Variants in GPRASP1 observed in about 807,000 individuals in gnomAD.
GPRASP1 encodes the protein G protein-coupled receptor-associated sorting protein 1.
GPRASP1 carries 28 observed loss-of-function variants against 68.4 expected under a neutral mutation model. The ratio of observed to expected loss-of-function variants is 0.41; its 90% CI spans 0.30 to 0.56. GPRASP1 has a LOEUF of 0.56. Ranked by LOEUF, GPRASP1 falls within the 20% of genes least tolerant of loss-of-function variation. The pLI, the probability that GPRASP1 is intolerant of heterozygous loss-of-function variation, is 0.29. For missense variants in GPRASP1, 913 were observed against 1,031.5 expected (o/e 0.89, Z 1.57); for synonymous variants, 304 against 358.2 (o/e 0.85, Z 1.71).
Position 102,657,662 on chromosome X carries a change from AT to A in GPRASP1, c.3751del (p.Ser1251ProfsTer8), listed in dbSNP as rs1302816496. 1 of 1,211,292 alleles carries A rather than the reference AT, an allele frequency of 8.3e-7. No homozygotes were observed. Among genetic ancestry groups the A allele is most frequent in the South Asian group, 1.8e-5 (1 of 57,000 alleles). Reference protein sequence around the residue: ...VCEETLAYSVDSPEQLSGIRM... With the variant: ...VCEETLAYSVXSPEQLSGIRM... Reference sequence around the variant, plus strand: ...GAGGAAACCCTTGCTTATAGCGTGGATTCCCCGGAACAGCTGTCTGGAATAA... The same window carrying A: ...GAGGAAACCCTTGCTTATAGCGTGGATCCCCGGAACAGCTGTCTGGAATAA... On this transcript the variant is annotated frameshift_variant, in exon 6 of 6. Transcript: ENST00000537097. LOFTEE classifies it high-confidence loss of function.
chrX:102,653,715 G>T lies in GPRASP1; in HGVS notation c.-199G>T. ...TGTTCTACACTCTATCTGTATTATT[G>T]AATTACTGACTGAGACTGTGTTTGG... On this transcript the variant is annotated 5_prime_UTR_variant, in exon 6 of 6. Transcript: ENST00000537097. The T allele has an allele frequency of 4.7e-6, 2 of 428,752 alleles. No homozygotes were observed. The highest frequency in any genetic ancestry group is 8.2e-6 in the Non-Finnish European group (2 of 244,713). 35.3% of individuals were successfully genotyped at this position (428,752 alleles called of 1,213,427 possible). A position where few individuals can be genotyped will look rare whatever the true frequency, so the allele number is the denominator to read the frequency against.
Position 102,656,564 on chromosome X carries a change from A to C in GPRASP1, c.2651A>C (p.Glu884Ala), listed in dbSNP as rs757534050. The C allele has an allele frequency of 3.3e-6, 4 of 1,208,344 alleles. No homozygotes were observed. The Admixed American group carries it at 6.6e-5, about 20-fold the overall frequency. Residue 884 changes from glutamate to alanine, a missense_variant, in exon 6 of 6, where the codon GAA becomes GCA. By Grantham distance (107) the Glu-to-Ala change is moderately radical. Transcript: ENST00000537097. ...TVGSWFWPEE[E>A]ASIQAGSQAV... ...GGGTCCTGGTTCTGGCCTGAAGAAG[A>C]AGCCAGTATACAGGCTGGATCTCAG...
In GPRASP1 at chrX:102,655,983, A is replaced by G; in HGVS notation, c.2070A>G (p.Gly690=). 8.3e-7 allele frequency: 1 copy of G among 1,211,370 alleles called. No individual in the cohort carries two copies. The highest frequency in any genetic ancestry group is 1.1e-6 in the Non-Finnish European group (1 of 895,294). The change falls in exon 6 of 6, where the codon GGA becomes GGG. Residue 690 remains glycine (G), a synonymous_variant. Coordinates refer to ENST00000537097, the MANE Select transcript of GPRASP1 (RefSeq NM_001184727.2). ...AACCCTGTATGTATCCTGCCGGTGG[A>G]GGAAGTTGGAAGTCTAGGCCAGAGG... ...EKEPCMYPAG[G]GSWKSRPEEE...
rs763543381 is a variant in GPRASP1, at chrX:102,657,000, G to C, written c.3087G>C (p.Thr1029=). 3.3e-6 allele frequency: 4 copies of C among 1,208,956 alleles called. No homozygotes were observed. In the African/African-American group the frequency reaches 7.0e-5, roughly 21 times the overall value. Residue 1029 remains threonine (T), a synonymous_variant, in exon 6 of 6, where the codon ACG becomes ACC. Coordinates refer to ENST00000537097, the MANE Select transcript of GPRASP1 (RefSeq NM_001184727.2). ...TGTTCAGGGCCATTTGCAGGTCCACGTGTTCAGTTGAACAGGAGCCTGATC... is the reference window on the plus strand; with the variant it reads ...TGTTCAGGGCCATTTGCAGGTCCACCTGTTCAGTTGAACAGGAGCCTGATC... The part of the protein sequence containing the change: ...SPVFRAICRS[T]CSVEQEPDPS...
rs772861725 is a variant in GPRASP1 at position 102,654,632 on chromosome X, A to G, written c.719A>G (p.Gln240Arg). 1.7e-5 allele frequency: 20 copies of G among 1,210,350 alleles called. No individual in the cohort carries two copies. Among genetic ancestry groups the G allele is most frequent in the Admixed American group, 6.5e-5 (3 of 46,096 alleles). The change falls in exon 6 of 6, where the codon CAA (glutamine) becomes CGA (arginine). Residue 240 changes from glutamine to arginine, a missense_variant. By Grantham distance (43) the Gln-to-Arg change is conservative. Transcript: ENST00000537097. ...GAGGCTAATACCATGTCTAGGTCCC[A>G]AACTAACCAGGAGCTCTATATTGCA... ...NQEANTMSRS[Q>R]TNQELYIASS...
rs1569485081 is a variant in GPRASP1 at position 102,657,676 on chromosome X, C to T, written c.3763C>T (p.Leu1255=). 8.3e-7 allele frequency: 1 copy of T among 1,211,290 alleles called. No homozygotes were observed. Among genetic ancestry groups the T allele is most frequent in the Admixed American group, 2.2e-5 (1 of 46,100 alleles). Reference sequence around the variant, plus strand: ...TTATAGCGTGGATTCCCCGGAACAGCTGTCTGGAATAAGGATGATTAGACA... The same window carrying T: ...TTATAGCGTGGATTCCCCGGAACAGTTGTCTGGAATAAGGATGATTAGACA... The part of the protein sequence containing the change: ...LAYSVDSPEQ[L]SGIRMIRHLT... Residue 1255 remains leucine (L), a synonymous_variant, in exon 6 of 6, where the codon CTG becomes TTG. Coordinates refer to ENST00000537097, the MANE Select transcript of GPRASP1 (RefSeq NM_001184727.2).
chrX:102,657,481 G>T lies in GPRASP1; in HGVS notation c.3568G>T (p.Asp1190Tyr), dbSNP rs1204436677. Residue 1190 changes from aspartate to tyrosine, a missense_variant, in exon 6 of 6, where the codon GAT becomes TAT. Transcript: ENST00000537097. ...GMRSASQFTR[D>Y]FIRDSGVVSL... Reference sequence around the variant, plus strand: ...GAGAAGTGCTTCTCAATTTACCCGAGATTTCATTCGAGATTCAGGTGTTGT... The same window carrying T: ...GAGAAGTGCTTCTCAATTTACCCGATATTTCATTCGAGATTCAGGTGTTGT... The T allele has an allele frequency of 1.7e-6, 2 of 1,210,372 alleles. No homozygotes were observed. The highest frequency in any genetic ancestry group is 2.2e-6 in the Non-Finnish European group (2 of 895,201).
intron 5 of GPRASP1, 83 bp downstream of exon 5, chrX:102,653,381 A>G (rs1252564615): frequency 8.8e-6 from 1 of 113,908 alleles, no homozygotes; most frequent in African/African-American, 3.3e-5. Context: ...CAATCTGGGG[A>G]CTTCTTGGCC....
chrX:102,656,016 G>A lies in GPRASP1; in HGVS notation c.2103G>A (p.Glu701=), dbSNP rs1310356223. The change falls in exon 6 of 6, where the codon GAG becomes GAA. Residue 701 remains glutamate, a synonymous_variant. Transcript: ENST00000537097. ...GSWKSRPEEE[E]DIVNSWFWSR... ...GGAAGTCTAGGCCAGAGGAGGAAGA[G>A]GACATTGTCAATTCGTGGTTCTGGT... 1.7e-6 allele frequency: 2 copies of A among 1,209,626 alleles called. No individual in the cohort carries two copies. Among genetic ancestry groups the A allele is most frequent in the East Asian group, 3.0e-5 (1 of 33,749 alleles).
rs1223219976 is a variant in GPRASP1 at position 102,658,985 on chromosome X, G to C, written c.*884G>C. 2 of 122,929 alleles carry C rather than the reference G, an allele frequency of 1.6e-5. No individual in the cohort carries two copies. Among genetic ancestry groups the C allele is most frequent in the East Asian group, 5.6e-4 (2 of 3,574 alleles). 10.1% of individuals were successfully genotyped at this position (122,929 alleles called of 1,213,427 possible). On this transcript the variant is annotated 3_prime_UTR_variant, in exon 6 of 6. Transcript: ENST00000537097. ...GATGATGTATAGGGTTTTAGGAAAA[G>C]CCCTGACATTTTTGATATTTCATAT... is the stretch of plus-strand genomic sequence containing the variant.
chrX:102,656,075 G>A lies in GPRASP1; in HGVS notation c.2162G>A (p.Gly721Glu), dbSNP rs140711710. 5.0e-4 allele frequency: 602 copies of A among 1,209,371 alleles called. No individual in the cohort carries two copies. Among genetic ancestry groups the A allele is most frequent in the Non-Finnish European group, 6.4e-4 (575 of 894,702 alleles). ...RKYTKPEAII[G>E]SWLWATEESN... ...TACACAAAGCCAGAGGCCATTATAGGGTCCTGGTTATGGGCTACAGAAGAG... is the reference window on the plus strand; with the variant it reads ...TACACAAAGCCAGAGGCCATTATAGAGTCCTGGTTATGGGCTACAGAAGAG... Residue 721 changes from glycine to glutamate, a missense_variant, in exon 6 of 6, where the codon GGG becomes GAG. By Grantham distance (98) the Gly-to-Glu change is moderately conservative. Transcript: ENST00000537097.
rs764799038 is a variant in GPRASP1 at position 102,657,949 on chromosome X, G to C, written c.4036G>C (p.Gly1346Arg). 3 of 1,183,069 alleles carry C rather than the reference G, an allele frequency of 2.5e-6. No individual in the cohort carries two copies. Residue 1346 changes from glycine to arginine, a missense_variant, in exon 6 of 6, where the codon GGC becomes CGC. Physicochemically the swap from Gly to Arg is moderately radical, Grantham distance 125. Coordinates refer to ENST00000537097, the MANE Select transcript of GPRASP1 (RefSeq NM_001184727.2). ...TGTTCTTGCAATATTTGAGAATATT[G>C]GCAACAATATCAAAAAAGAAACAGT... ...QIVLAIFENI[G>R]NNIKKETVFS...
chrX:102,656,924 C>T lies in GPRASP1; in HGVS notation c.3011C>T (p.Ser1004Phe). Residue 1004 changes from serine (S) to phenylalanine (F), a missense_variant, in exon 6 of 6, where the codon TCC (serine) becomes TTC (phenylalanine). Coordinates refer to ENST00000537097, the MANE Select transcript of GPRASP1 (RefSeq NM_001184727.2). ...GATGAAGATGAGGCCATAGTGGGGT[C>T]CTGGTTCTGGGCAGGAGATGAGGCC... ...LADEDEAIVG[S>F]WFWAGDEAHF... 3.3e-6 allele frequency: 4 copies of T among 1,211,010 alleles called. No homozygotes were observed. Among genetic ancestry groups the T allele is most frequent in the Non-Finnish European group, 4.5e-6 (4 of 895,052 alleles).
chrX:102,656,706 T>C lies in GPRASP1; in HGVS notation c.2793T>C (p.Asp931=). The change falls in exon 6 of 6, where the codon GAT becomes GAC. Residue 931 remains aspartate (D), a synonymous_variant. Transcript: ENST00000537097. ...AGPCCVSKPE[D]DEEMIVESWF... is the part of the protein sequence containing the mutation. Reference sequence around the variant, plus strand: ...CATGCTGTGTATCCAAGCCAGAGGATGATGAAGAGATGATTGTTGAGTCCT... The same window carrying C: ...CATGCTGTGTATCCAAGCCAGAGGACGATGAAGAGATGATTGTTGAGTCCT... 1 of 1,210,074 alleles carries C rather than the reference T, an allele frequency of 8.3e-7. No individual in the cohort carries two copies. The highest frequency in any genetic ancestry group is 1.8e-5 in the South Asian group (1 of 56,930).
In GPRASP1 at chrX:102,653,614, G is replaced by A; in HGVS notation, c.-300G>A. ...CAGTGGCTGCTCTGCTGGTGGTGGG[G>A]TTGCTGCTGACAACCACCCTCAACG... On this transcript the variant is annotated 5_prime_UTR_variant, in exon 6 of 6. Transcript: ENST00000537097. 4.0e-6 allele frequency: 1 copy of A among 250,018 alleles called. No homozygotes were observed. Among genetic ancestry groups the A allele is most frequent in the Non-Finnish European group, 7.2e-6 (1 of 139,638 alleles). 20.6% of individuals were successfully genotyped at this position (250,018 alleles called of 1,213,427 possible). A position where few individuals can be genotyped will look rare whatever the true frequency, so the allele number is the denominator to read the frequency against.
At chrX:102,652,538 TC>T (rs2081365035) in intron 3 of GPRASP1, among the ~76,000 whole-genome samples, 1 of 113,132 alleles carries the variant, frequency 8.8e-6, no homozygotes, top group South Asian at 3.6e-4. Context: ...GTGGCGCCCT[TC>T]CCCCATTTTC....
In GPRASP1 at chrX:102,656,514, G is replaced by A; in HGVS notation, c.2601G>A (p.Gly867=). ...VAGVGFESKP[G]TEEEEITVGS... ...GAGTCGGCTTTGAGTCAAAGCCTGG[G>A]ACTGAGGAGGAAGAAATCACTGTTG... Residue 867 remains glycine (G), a synonymous_variant, in exon 6 of 6, where the codon GGG becomes GGA. Transcript: ENST00000537097. The A allele has an allele frequency of 8.3e-7, 1 of 1,210,494 alleles. No homozygotes were observed. The highest frequency in any genetic ancestry group is 1.1e-6 in the Non-Finnish European group (1 of 894,928).
At position 102,655,595 on chromosome X, in the gene GPRASP1, A is replaced by G. The variant is rs746757517; in HGVS notation, c.1682A>G (p.Asp561Gly). 2.5e-5 allele frequency: 30 copies of G among 1,208,915 alleles called. No homozygotes were observed. The African/African-American group carries it at 4.4e-4, about 18-fold the overall frequency. Residue 561 changes from aspartate to glycine, a missense_variant, in exon 6 of 6, where the codon GAT becomes GGT. Transcript: ENST00000537097. The stretch of plus-strand genomic sequence containing the variant: ...TGGTTTTGGTCTGGAGAACAAGTTG[A>G]TATAGAGGCTGGAATCGGAGAAGAG... ...GPWFWSGEQV[D>G]IEAGIGEEAR...
chrX:102,656,828 G>T lies in GPRASP1; in HGVS notation c.2915G>T (p.Trp972Leu). 8.3e-7 allele frequency: 1 copy of T among 1,211,335 alleles called. No individual in the cohort carries two copies. Among genetic ancestry groups the T allele is most frequent in the Non-Finnish European group, 1.1e-6 (1 of 895,266 alleles). The change falls in exon 6 of 6, where the codon TGG becomes TTG. Residue 972 changes from tryptophan (W) to leucine (L), a missense_variant. By Grantham distance (61) the Trp-to-Leu change is moderately conservative (BLOSUM62 -2). Transcript: ENST00000537097. ...GAGGAAGGGGCCATTGTTGGGTCTT[G>T]GTTTGAGGCTGAAGATGAGGTAGAT... ...ENEEGAIVGS[W>L]FEAEDEVDNR...
Sources: allele counts gnomAD v4.1 joint callset (sites outside exome capture counted in the v4.1 genomes callset), GRCh38; gene constraint gnomAD v4.1.1; transcripts MANE v1.5; gene names NCBI Gene and HGNC (gene_info 2026-07-23, HGNC 2026-07-21).